PDLIM5: variants seen among roughly 807,000 people sequenced by gnomAD.
The protein encoded by PDLIM5 is PDZ and LIM domain protein 5.
PDLIM5 carries 34 observed loss-of-function variants against 64.2 expected under a neutral mutation model. That is an observed-to-expected ratio of 0.53 (90% CI 0.40 to 0.71). The LOEUF (loss-of-function observed/expected upper bound fraction) is 0.71. Ranked by LOEUF, PDLIM5 falls within the 30% of genes least tolerant of loss-of-function variation. PDLIM5 has a pLI of 0.00. For synonymous variants in PDLIM5, 253 were observed against 269.1 expected, an observed-to-expected ratio of 0.94 and a Z score of 0.59; for missense variants, 683 against 733.6, an observed-to-expected ratio of 0.93 and a Z score of 0.80.
At chr4:94,477,468 G>A (rs1183763235) in intron 2 of PDLIM5, among the ~76,000 whole-genome samples, 1 of 152,108 alleles carries the variant, frequency 6.6e-6, no homozygotes, top group East Asian at 1.9e-4. Flanking sequence ...AGTGACCTGT[G>A]TTATCTGAGA....
In PDLIM5 at chr4:94,665,506, AGAGAGAGAGAG is replaced by A; in HGVS notation, c.*1440_*1450del. 1.5e-6 allele frequency: 1 copy of A among 652,394 alleles called. No homozygotes were observed. The highest frequency in any genetic ancestry group is 1.8e-6 in the Non-Finnish European group (1 of 545,068). The allele number at this position is 652,394 out of a possible 1,614,324, so 40.4% of individuals were successfully genotyped here. On this transcript the variant is annotated 3_prime_UTR_variant, in exon 13 of 13. Transcript: ENST00000317968. ...TAAAAAAAAAAAAAAAAAAAAAAAA[AGAGAGAGAGAG>A]AATAAATAGAAAAGAATGTGGCTGG...
At chr4:94,466,766 G>A (rs945746281) in intron 2 of PDLIM5, among the ~76,000 whole-genome samples, 7 of 152,206 alleles carry the variant, frequency 4.6e-5, no homozygotes, top group African/African-American at 1.4e-4. Flanking sequence ...GTAAATGGCA[G>A]TTTTAATAAT....
At chr4:94,616,876 G>A (rs570851764) in intron 7 of PDLIM5, among the ~76,000 whole-genome samples, 11 of 152,264 alleles carry the variant, frequency 7.2e-5, no homozygotes, top group Middle Eastern at 3.4e-3. Flanking sequence ...TTATTGTTTC[G>A]ATAGAAGGAC....
intron 2 of PDLIM5, among the ~76,000 whole-genome samples, chr4:94,515,766 C>T (rs1461662716): frequency 1.3e-5 from 2 of 152,176 alleles, no homozygotes; most frequent in African/African-American, 2.4e-5. Flanking sequence ...AATCCATTCC[C>T]AGGTATGCTA....
At chr4:94,630,498 A>C (rs11725850) in intron 8 of PDLIM5, among the ~76,000 whole-genome samples, 62,160 of 151,626 alleles carry the variant, frequency 0.41, 13,557 homozygotes, top group South Asian at 0.67. Context: ...CCTCGGCCTA[A>C]CAGTAGCTAG....
intron 7 of PDLIM5, chr4:94,610,382 A>G (rs1738275145): frequency 2.4e-6 from 2 of 839,698 alleles, no homozygotes; most frequent in Non-Finnish European, 3.4e-6. Flanking sequence ...CAAAGAAAAC[A>G]TGCCCCTTTG....
chr4:94,638,894 G>T (rs914039034), intron 8 of PDLIM5, among the ~76,000 whole-genome samples: 34 of 152,096 alleles, frequency 2.2e-4, no homozygotes, highest in African/African-American at 7.7e-4. Context: ...CATAATTTCT[G>T]CCCTCAGGGA....
chr4:94,526,303 A>C (rs1007022113), intron 3 of PDLIM5, among the ~76,000 whole-genome samples: 1 of 152,184 alleles, frequency 6.6e-6, no homozygotes, highest in Non-Finnish European at 1.5e-5. Flanking sequence ...TCTGCTACTG[A>C]TTCTAATAAA....
chr4:94,603,933 G>C (rs1349757608), intron 7 of PDLIM5, among the ~76,000 whole-genome samples: 2 of 152,168 alleles, frequency 1.3e-5, no homozygotes, highest in African/African-American at 4.8e-5. Flanking sequence ...CATGGTGAAA[G>C]ATGATTTGAG....
At chr4:94,603,870 C>T (rs1011564301) in intron 7 of PDLIM5, among the ~76,000 whole-genome samples, 1 of 152,100 alleles carries the variant, frequency 6.6e-6, no homozygotes, top group Non-Finnish European at 1.5e-5. Context: ...GTAGGGGACC[C>T]ATCACACCAC....
chr4:94,589,945 T>C (rs10019505), intron 7 of PDLIM5, among the ~76,000 whole-genome samples: 78,605 of 151,762 alleles, frequency 0.52, 20,730 homozygotes, highest in African/African-American at 0.57. Flanking sequence ...AGCTAATTTT[T>C]ATAGTTTTTT....
chr4:94,484,038 A>C (rs72876215), intron 2 of PDLIM5, among the ~76,000 whole-genome samples: 1,982 of 152,300 alleles, frequency 0.013, 44 homozygotes, highest in African/African-American at 0.045. Flanking sequence ...CGTTTCCTGC[A>C]TGTCTCCAGA....
intron 7 of PDLIM5, among the ~76,000 whole-genome samples, chr4:94,609,568 T>TACAC (rs1738194949): frequency 6.6e-6 from 1 of 152,188 alleles, no homozygotes; most frequent in East Asian, 1.9e-4. Context: ...CATTGGTTTA[T>TACAC]TTTCGCAAAG....
chr4:94,460,724 CTACT>C (rs1049530149), intron 2 of PDLIM5, among the ~76,000 whole-genome samples: 1 of 151,884 alleles, frequency 6.6e-6, no homozygotes, highest in African/African-American at 2.4e-5. Context: ...GTATATCTAC[CTACT>C]TAAACTAAGA....
chr4:94,640,459 T>G lies in PDLIM5; in HGVS notation c.1283+9T>G, dbSNP rs1203858515. The G allele has an allele frequency of 2.6e-6, 4 of 1,540,330 alleles. No homozygotes were observed. The highest frequency in any genetic ancestry group is 2.6e-6 in the Non-Finnish European group (3 of 1,142,642). ...TGTAACCAGGTCATCAGGTTGGTTGTTTTTTGAAATTTTCTTGAAAGTACT... is the reference window on the plus strand; with the variant it reads ...TGTAACCAGGTCATCAGGTTGGTTGGTTTTTGAAATTTTCTTGAAAGTACT... On this transcript the variant is annotated intron_variant, in intron 9 of 12. Coordinates refer to ENST00000317968, the MANE Select transcript of PDLIM5 (RefSeq NM_006457.5).
chr4:94,452,023 C>A (rs1180870999), intron 1 of PDLIM5, 28 bp downstream of exon 1: 1 of 152,326 alleles, frequency 6.6e-6, no homozygotes. Context: ...GGCGATGCGC[C>A]TCTCGGATCT....
At chr4:94,615,874 G>A (rs577489181) in intron 7 of PDLIM5, among the ~76,000 whole-genome samples, 8 of 152,252 alleles carry the variant, frequency 5.3e-5, no homozygotes, top group African/African-American at 1.9e-4. Flanking sequence ...GTTACATAGA[G>A]TGAATCTGCA....
intron 9 of PDLIM5, among the ~76,000 whole-genome samples, chr4:94,644,777 A>C (rs892464441): frequency 1.3e-5 from 2 of 152,020 alleles, no homozygotes; most frequent in Non-Finnish European, 2.9e-5. Flanking sequence ...TCCTGACCTC[A>C]TGATCCACCT....
Position 94,666,094 on chromosome 4 carries a change from C to A in PDLIM5, c.*2027C>A. The A allele has an allele frequency of 1.5e-6, 2 of 1,334,836 alleles. No individual in the cohort carries two copies. Among genetic ancestry groups the A allele is most frequent in the Non-Finnish European group, 2.1e-6 (2 of 968,790 alleles). The allele number at this position is 1,334,836 out of a possible 1,614,324, so 82.7% of individuals were successfully genotyped here. A position where few individuals can be genotyped will look rare whatever the true frequency, so the allele number is the denominator to read the frequency against. On this transcript the variant is annotated 3_prime_UTR_variant, in exon 13 of 13. Transcript: ENST00000317968. ...GTTTGGGGCAAGGTGATTTTATAGT[C>A]GAGACAGAGCCCTAGGTCCTTCCTG... is the stretch of plus-strand genomic sequence containing the variant.
Sources: gnomAD v4.1 joint callset for allele counts (sites outside exome capture counted in the v4.1 genomes callset) on GRCh38, gnomAD v4.1.1 for gene constraint, MANE v1.5 for transcripts, NCBI Gene and HGNC (gene_info 2026-07-23, HGNC 2026-07-21) for gene names.